RALGAPA1: variants seen among roughly 807,000 people sequenced by gnomAD.
RALGAPA1 encodes Ral GTPase activating protein catalytic subunit alpha 1, also known as ral GTPase-activating protein subunit alpha-1.
In RALGAPA1, 52 loss-of-function variants were observed where a neutral mutation model predicts 269.6. The ratio of observed to expected loss-of-function variants is 0.19; its 90% CI spans 0.15 to 0.24. The LOEUF (loss-of-function observed/expected upper bound fraction) is 0.24. RALGAPA1 is among the 10% of genes least tolerant of loss of function. The pLI, the probability that RALGAPA1 is intolerant of heterozygous loss-of-function variation, is 1.00. For synonymous variants in RALGAPA1, 817 were observed against 1,008.3 expected, an observed-to-expected ratio of 0.81 and a Z score of 3.60; for missense variants, 1,917 against 3,013.9, an observed-to-expected ratio of 0.64 and a Z score of 8.52.
chr14:35,686,557 T>G lies in RALGAPA1; in HGVS notation c.4062A>C (p.Arg1354=), dbSNP rs560665648. 1.2e-6 allele frequency: 2 copies of G among 1,602,684 alleles called. No homozygotes were observed. The highest frequency in any genetic ancestry group is 2.7e-5 in the African/African-American group (2 of 74,514). Residue 1354 remains arginine, a synonymous_variant, in exon 19 of 42, where the codon CGA becomes CGC. Coordinates refer to ENST00000680220, the MANE Select transcript of RALGAPA1 (RefSeq NM_001346249.2). ...TAAAACTTACCGAGGCATTACCACT[T>G]CGAAGTCGTTCTGCTATAAACTCAT... ...LMDEFIAERL[R]SGNASTMTRR...
At position 35,742,391 on chromosome 14, in the gene RALGAPA1, C is replaced by G. The variant is rs147632848; in HGVS notation, c.1426G>C (p.Glu476Gln). ...ENVTDHDISM[E>Q]EGEKREEENG... is the part of the protein sequence containing the mutation. ...ACCTCTTCTCTTTTTTCTCCTTCTTCCATTGAAATATCATGGTCTGTGACA... is the reference window on the plus strand; with the variant it reads ...ACCTCTTCTCTTTTTTCTCCTTCTTGCATTGAAATATCATGGTCTGTGACA... Residue 476 changes from glutamate to glutamine, a missense_variant, in exon 11 of 42, where the codon GAA becomes CAA. Glu to Gln is a conservative substitution (Grantham distance 29, BLOSUM62 2). This residue lies in a region of RALGAPA1 where 462 missense variants were observed against 725.6 expected (regional missense o/e 0.64). Coordinates refer to ENST00000680220, the MANE Select transcript of RALGAPA1 (RefSeq NM_001346249.2). 3.7e-3 allele frequency: 5,969 copies of G among 1,596,378 alleles called. 15 individuals carry two copies. The highest frequency in any genetic ancestry group is 4.6e-3 in the Non-Finnish European group (5,362 of 1,169,192).
chr14:35,636,419 A>G (rs1297960092), intron 31 of RALGAPA1, among the ~76,000 whole-genome samples: 1 of 152,268 alleles, frequency 6.6e-6, no homozygotes, highest in African/African-American at 2.4e-5. Context: ...CTTCCAAAAA[A>G]TAAATAAAAT....
In RALGAPA1 at chr14:35,627,696, T is replaced by G; in HGVS notation, c.6251A>C (p.Asn2084Thr). The change falls in exon 34 of 42, where the codon AAT (asparagine) becomes ACT (threonine). Residue 2084 changes from asparagine to threonine, a missense_variant. By Grantham distance (65) the Asn-to-Thr change is moderately conservative (BLOSUM62 0). Coordinates refer to ENST00000680220, the MANE Select transcript of RALGAPA1 (RefSeq NM_001346249.2). ...AGCAGATAAACCTCCTCCAGGCATATTCTCTTCTGATCTGATCTGGATACA... is the reference window on the plus strand; with the variant it reads ...AGCAGATAAACCTCCTCCAGGCATAGTCTCTTCTGATCTGATCTGGATACA... Reference protein sequence around the residue: ...VSCIQIRSEENMPGGGLSAGL... With the variant: ...VSCIQIRSEETMPGGGLSAGL... 1.2e-6 allele frequency: 2 copies of G among 1,604,498 alleles called. No individual in the cohort carries two copies. The highest frequency in any genetic ancestry group is 1.7e-6 in the Non-Finnish European group (2 of 1,176,906).
intron 11 of RALGAPA1, among the ~76,000 whole-genome samples, chr14:35,740,342 TGTGA>T (rs1347949749): frequency 6.6e-6 from 1 of 152,222 alleles, no homozygotes; most frequent in Non-Finnish European, 1.5e-5. Flanking sequence ...TTTTGAAATT[TGTGA>T]GTGTTTTCTT....
intron 1 of RALGAPA1, among the ~76,000 whole-genome samples, chr14:35,787,541 C>T (rs2075878151): frequency 6.6e-6 from 1 of 152,096 alleles, no homozygotes. Flanking sequence ...GAAATAAATA[C>T]CAACAAGAAA....
chr14:35,548,608 C>G, intron 40 of RALGAPA1, 70 bp from the exon 41 acceptor site: 1 of 1,038,548 alleles, frequency 9.6e-7, no homozygotes. Context: ...GGCCACGAGT[C>G]ATTTATTTTC....
At chr14:35,577,764 A>C (rs2057675069) in intron 37 of RALGAPA1, among the ~76,000 whole-genome samples, 1 of 152,194 alleles carries the variant, frequency 6.6e-6, no homozygotes, top group Non-Finnish European at 1.5e-5. Flanking sequence ...TATGTCTCTC[A>C]CTAAATCAAT....
At chr14:35,667,268 C>T (rs578124621) in intron 26 of RALGAPA1, among the ~76,000 whole-genome samples, 3 of 151,914 alleles carry the variant, frequency 2.0e-5, no homozygotes, top group Non-Finnish European at 2.9e-5. Flanking sequence ...GGCATGGTGG[C>T]GCACCTGTAG....
At chr14:35,750,759 T>C in intron 8 of RALGAPA1, 69 bp from the exon 9 acceptor site, 1 of 1,254,704 alleles carries the variant, frequency 8.0e-7, no homozygotes, top group Non-Finnish European at 1.1e-6. Context: ...AACCTACATT[T>C]TTAAATACTT....
intron 16 of RALGAPA1, among the ~76,000 whole-genome samples, chr14:35,718,559 T>C (rs779526071): frequency 1.3e-5 from 2 of 152,168 alleles, no homozygotes; most frequent in African/African-American, 2.4e-5. Flanking sequence ...CTCACACCTG[T>C]AATCCTAGTA....
At chr14:35,712,631 C>T (rs1227603395) in intron 16 of RALGAPA1, among the ~76,000 whole-genome samples, 2 of 152,140 alleles carry the variant, frequency 1.3e-5, no homozygotes, top group African/African-American at 4.8e-5. Flanking sequence ...ACCTCATTCT[C>T]CTGACAAGCT....
chr14:35,748,847 A>AG, intron 9 of RALGAPA1, 23 bp from the exon 10 acceptor site: 1 of 1,558,264 alleles, frequency 6.4e-7, no homozygotes, highest in East Asian at 2.3e-5. Context: ...AAAAAAAAAA[A>AG]AAGAGAGAAA....
At chr14:35,669,409 C>T (rs996961031) in intron 26 of RALGAPA1, among the ~76,000 whole-genome samples, 1 of 152,158 alleles carries the variant, frequency 6.6e-6, no homozygotes, top group Non-Finnish European at 1.5e-5. Context: ...CATGTGCCAC[C>T]AGGCCCAGCT....
chr14:35,680,177 G>T (rs981974856), intron 21 of RALGAPA1, among the ~76,000 whole-genome samples: 1 of 151,976 alleles, frequency 6.6e-6, no homozygotes, highest in Non-Finnish European at 1.5e-5. Flanking sequence ...CATAAAAATC[G>T]AATTCATTTT....
At chr14:35,598,663 GC>G (rs2059082641) in intron 36 of RALGAPA1, among the ~76,000 whole-genome samples, 1 of 151,996 alleles carries the variant, frequency 6.6e-6, no homozygotes, top group South Asian at 2.1e-4. Flanking sequence ...CAGGTGATCT[GC>G]CCACCTTGGC....
chr14:35,603,380 T>C (rs1399305708), intron 36 of RALGAPA1, among the ~76,000 whole-genome samples: 1 of 152,128 alleles, frequency 6.6e-6, no homozygotes, highest in East Asian at 1.9e-4. Context: ...ATCATCTCTG[T>C]TGGGTAAAAA....
intron 32 of RALGAPA1, 131 bp downstream of exon 32, chr14:35,635,333 T>C (rs2061601426): frequency 7.4e-6 from 8 of 1,079,272 alleles, no homozygotes; most frequent in Non-Finnish European, 1.0e-5. Flanking sequence ...CCTTAGGCAC[T>C]GTAAGCTAAA....
chr14:35,609,892 C>T (rs1398530055), intron 35 of RALGAPA1, among the ~76,000 whole-genome samples: 8 of 147,510 alleles, frequency 5.4e-5, no homozygotes, highest in South Asian at 2.1e-4. Flanking sequence ...TGTGCCACTG[C>T]ACTCCAGCCT....
At position 35,655,803 on chromosome 14, in the gene RALGAPA1, T is replaced by G; in HGVS notation, c.5496+4A>C. The G allele has an allele frequency of 6.2e-7, 1 of 1,611,450 alleles. No homozygotes were observed. Among genetic ancestry groups the G allele is most frequent in the Non-Finnish European group, 8.5e-7 (1 of 1,179,212 alleles). The stretch of plus-strand genomic sequence containing the variant: ...AATATATTTCACTAAACAGTTTTCT[T>G]TACCTTTAAGGAAACACAAATCACA... On this transcript the variant is annotated splice_donor_region_variant and intron_variant, in intron 29 of 41. Transcript: ENST00000680220.
Sources: allele counts gnomAD v4.1 joint callset (sites outside exome capture counted in the v4.1 genomes callset), GRCh38; gene constraint gnomAD v4.1.1; regional missense constraint gnomAD v4.1.1; transcripts MANE v1.5; gene names NCBI Gene and HGNC (gene_info 2026-07-23, HGNC 2026-07-21).